The following CPLX2 variants were observed in gnomAD, a reference collection of about 807,000 sequenced individuals.
The protein encoded by CPLX2 is complexin 2.
A neutral mutation model predicts 16.3 loss-of-function variants in CPLX2; 5 were observed. The ratio of observed to expected loss-of-function variants is 0.31; its 90% CI spans 0.16 to 0.64. CPLX2 has a LOEUF of 0.64. CPLX2 is among the 30% of genes least tolerant of loss of function. The probability of loss-of-function intolerance (pLI) is 0.79; values close to 1 mark genes in which losing one functional copy is unlikely to be tolerated. For synonymous variants in CPLX2, 89 were observed against 73.2 expected, an observed-to-expected ratio of 1.22 and a Z score of -1.10; for missense variants, 144 against 181.4, an observed-to-expected ratio of 0.79 and a Z score of 1.18.
intron 2 of CPLX2, among the ~76,000 whole-genome samples, chr5:175,864,845 C>T (rs898210557): frequency 3.3e-5 from 5 of 152,046 alleles, no homozygotes; most frequent in South Asian, 2.1e-4. Flanking sequence ...TGGAGCTGGG[C>T]GCTGAGTTAT....
chr5:175,826,499 T>C (rs1191561374), intron 2 of CPLX2, among the ~76,000 whole-genome samples: 2 of 152,196 alleles, frequency 1.3e-5, no homozygotes, highest in Non-Finnish European at 2.9e-5. Flanking sequence ...AGAATCAAAC[T>C]GGAAGCAGAT....
chr5:175,882,835 G>A lies in CPLX2; in HGVS notation c.*2790G>A, dbSNP rs1372092988. 1 of 152,552 alleles carries A rather than the reference G, an allele frequency of 6.6e-6. No individual in the cohort carries two copies. The highest frequency in any genetic ancestry group is 1.5e-5 in the Non-Finnish European group (1 of 68,162). 9.4% of individuals were successfully genotyped at this position (152,552 alleles called of 1,614,324 possible). On this transcript the variant is annotated 3_prime_UTR_variant, in exon 4 of 4. Coordinates refer to ENST00000393745, the MANE Select transcript of CPLX2 (RefSeq NM_001008220.2). ...ACTGATGCAGACCTGGCTGTGGAGA[G>A]CAGCTAATGTGTGGCCCAGAGAGCC... is the stretch of plus-strand genomic sequence containing the variant.
intron 2 of CPLX2, among the ~76,000 whole-genome samples, chr5:175,847,493 G>A (rs1050353107): frequency 3.3e-5 from 5 of 152,158 alleles, no homozygotes; most frequent in East Asian, 3.9e-4. Context: ...CAGAGCCGCC[G>A]CTAAAGCTAG....
At position 175,849,234 on chromosome 5, in the gene CPLX2, C is replaced by A. The variant is rs1200277147; in HGVS notation, c.-88-29418C>A. 6.6e-6 allele frequency among the ~76,000 whole-genome samples: 1 copy of A among 152,176 alleles called. No individual in the cohort carries two copies. Among genetic ancestry groups the A allele is most frequent in the Non-Finnish European group, 1.5e-5 (1 of 68,028 alleles). ...AGTTTGCTTGTTTGGGTGGCACTGA[C>A]CTGTCCATTGTCACCAGCCAGCAGC... On this transcript the variant is annotated intron_variant, in intron 2 of 4. Coordinates refer to the CPLX2 transcript ENST00000359546. The surrounding 1 kb of genome is among the most constrained non-coding windows in gnomAD (Gnocchi z 4.4).
At chr5:175,834,265 G>A (rs1407868153) in intron 2 of CPLX2, among the ~76,000 whole-genome samples, 1 of 152,182 alleles carries the variant, frequency 6.6e-6, no homozygotes, top group Admixed American at 6.5e-5. Flanking sequence ...CCCTGCATGC[G>A]AAAACTGCTC....
chr5:175,873,885 A>T (rs1017839088), intron 1 of CPLX2, among the ~76,000 whole-genome samples: 1 of 152,216 alleles, frequency 6.6e-6, no homozygotes, highest in African/African-American at 2.4e-5. Flanking sequence ...CCAGGATTTG[A>T]ACTGGCAGAG....
intron 2 of CPLX2, among the ~76,000 whole-genome samples, chr5:175,833,044 T>C (rs990576094): frequency 1.3e-5 from 2 of 151,636 alleles, no homozygotes; most frequent in Non-Finnish European, 2.9e-5. Context: ...TAATCCCAGC[T>C]ACTCGGGAGG....
intron 2 of CPLX2, among the ~76,000 whole-genome samples, chr5:175,834,893 A>G (rs1055136530): frequency 2.6e-5 from 4 of 152,170 alleles, no homozygotes; most frequent in African/African-American, 9.7e-5. Flanking sequence ...CAAACAAACA[A>G]AAAACAAACA....
At chr5:175,859,551 T>G (rs749818596) in intron 2 of CPLX2, among the ~76,000 whole-genome samples, 3 of 152,200 alleles carry the variant, frequency 2.0e-5, no homozygotes, top group Non-Finnish European at 4.4e-5. Flanking sequence ...ACAAACTAGA[T>G]GCAGACAAAT....
At chr5:175,823,913 C>CAGG (rs1019974039) in intron 2 of CPLX2, among the ~76,000 whole-genome samples, 1 of 152,186 alleles carries the variant, frequency 6.6e-6, no homozygotes, top group Non-Finnish European at 1.5e-5. Flanking sequence ...TTGCCACCCA[C>CAGG]AGGAGGAGGA....
chr5:175,812,605 AAGAT>A (rs1405471370), intron 2 of CPLX2, among the ~76,000 whole-genome samples: 9 of 152,200 alleles, frequency 5.9e-5, no homozygotes, highest in African/African-American at 1.2e-4. Flanking sequence ...CAGAAAAAAT[AAGAT>A]AGACCCAGAA....
At chr5:175,815,845 T>C (rs1758398165) in intron 2 of CPLX2, among the ~76,000 whole-genome samples, 1 of 152,242 alleles carries the variant, frequency 6.6e-6, no homozygotes, top group Non-Finnish European at 1.5e-5. Context: ...TTTTGTCTGC[T>C]GCTTTTTGAC....
chr5:175,816,049 A>C (rs1384386876), intron 2 of CPLX2, among the ~76,000 whole-genome samples: 1 of 152,206 alleles, frequency 6.6e-6, no homozygotes, highest in African/African-American at 2.4e-5. Flanking sequence ...TCTCCTTAAC[A>C]TGATGTCTTC....
At chr5:175,818,578 T>G (rs1758449653) in intron 2 of CPLX2, among the ~76,000 whole-genome samples, 1 of 150,022 alleles carries the variant, frequency 6.7e-6, no homozygotes, top group Non-Finnish European at 1.5e-5. Flanking sequence ...CACAGAAACT[T>G]GCCATCACGG....
At chr5:175,836,576 C>A (rs927675065) in intron 2 of CPLX2, among the ~76,000 whole-genome samples, 2 of 152,050 alleles carry the variant, frequency 1.3e-5, no homozygotes, top group African/African-American at 4.8e-5. Context: ...GCTATTCTCA[C>A]CAGGTGTTTG....
At chr5:175,864,620 C>G (rs1435970117) in intron 2 of CPLX2, among the ~76,000 whole-genome samples, 2 of 152,192 alleles carry the variant, frequency 1.3e-5, no homozygotes, top group African/African-American at 4.8e-5. Flanking sequence ...GCATCTCTCA[C>G]TGTGGAACGA....
At chr5:175,866,996 G>C (rs549773159), upstream of CPLX2, among the ~76,000 whole-genome samples, 10 of 152,230 alleles carry the variant, frequency 6.6e-5, no homozygotes, top group East Asian at 1.7e-3. Context: ...GATCACTTGA[G>C]CTCAGGACTT....
rs932649900 is a variant in CPLX2 at position 175,809,624 on chromosome 5, G to T, written c.-89+556G>T. On this transcript the variant is annotated intron_variant, in intron 2 of 4. Transcript: ENST00000359546. The surrounding 1 kb of genome is among the most constrained non-coding windows in gnomAD (Gnocchi z 4.4). Reference sequence around the variant, plus strand: ...CACTGATGAGCTCAACATCCCCCATGCCACCCCCTCCCCAGCCCAGGATCC... The same window carrying T: ...CACTGATGAGCTCAACATCCCCCATTCCACCCCCTCCCCAGCCCAGGATCC... Among the ~76,000 whole-genome samples the T allele has an allele frequency of 1.3e-5, 2 of 151,756 alleles. No homozygotes were observed. Among genetic ancestry groups the T allele is most frequent in the African/African-American group, 4.8e-5 (2 of 41,292 alleles).
At chr5:175,857,449 G>A (rs1348612368) in intron 2 of CPLX2, among the ~76,000 whole-genome samples, 1 of 152,182 alleles carries the variant, frequency 6.6e-6, no homozygotes, top group Non-Finnish European at 1.5e-5. Context: ...ATCGTAAGTT[G>A]AAAATACTTT....
Sources: gnomAD v4.1 joint callset for allele counts (sites outside exome capture counted in the v4.1 genomes callset) on GRCh38, gnomAD v4.1.1 for gene constraint, Gnocchi (gnomAD v3.1) non-coding constraint, MANE v1.5 for transcripts, NCBI Gene and HGNC (gene_info 2026-07-23, HGNC 2026-07-21) for gene names.